IL11RA: variants seen among roughly 807,000 people sequenced by gnomAD.
IL11RA encodes interleukin 11 receptor subunit alpha, also known as interleukin-11 receptor subunit alpha.
A neutral mutation model predicts 57.0 loss-of-function variants in IL11RA; 51 were observed. That is an observed-to-expected ratio of 0.89 (90% CI 0.71 to 1.13). IL11RA has a LOEUF of 1.13. Ranked by LOEUF, IL11RA falls within the 50% of genes most tolerant of loss-of-function variation. The probability of loss-of-function intolerance (pLI) is 0.00; values close to 1 mark genes in which losing one functional copy is unlikely to be tolerated. For synonymous variants in IL11RA, 199 were observed against 217.5 expected, an observed-to-expected ratio of 0.91 and a Z score of 0.75; for missense variants, 498 against 539.4, an observed-to-expected ratio of 0.92 and a Z score of 0.76.
chr9:34,655,041 C>T, intron 1 of IL11RA, 177 bp from the exon 2 acceptor site: 1 of 642,308 alleles, frequency 1.6e-6, no homozygotes, highest in African/African-American at 1.8e-5. Context: ...ATGCAAAGCA[C>T]TGGGTATACA....
At position 34,658,565 on chromosome 9, in the gene IL11RA, G is replaced by T. The variant is rs74968235; in HGVS notation, c.692G>T (p.Gly231Val). 1.9e-4 allele frequency: 299 copies of T among 1,614,112 alleles called. 1 individual carries two copies. The East Asian group carries it at 6.6e-3, about 35-fold the overall frequency. Residue 231 changes from glycine (G) to valine (V), a missense_variant, in exon 8 of 13, where the codon GGT becomes GTT. Physicochemically the swap from Gly to Val is moderately radical, Grantham distance 109. Transcript: ENST00000441545. This position sits in a 1 kb window ranked among gnomAD's most constrained non-coding sequence, Gnocchi z 4.0. ...PQGLRVESVP[G>V]YPRRLRASWT... is the part of the protein sequence containing the mutation. ...GGCCTGCGGGTAGAGTCAGTACCAG[G>T]TTACCCCCGACGCCTGCGAGCCAGC...
Position 34,653,832 on chromosome 9 carries a change from G to T in IL11RA, c.1-1386G>T. The T allele has an allele frequency of 6.6e-6, 1 of 152,046 alleles. No homozygotes were observed. The allele number at this position is 152,046 out of a possible 1,614,324, so 9.4% of individuals were successfully genotyped here. ...GGGAGGAGGCAGGAGCAGGGAGGGG[G>T]CCTGGCTAGGGGCGGCAGAGCTCCA... On this transcript the variant is annotated intron_variant, in intron 1 of 12. Coordinates refer to ENST00000441545, the MANE Select transcript of IL11RA (RefSeq NM_001142784.3). This position sits in a 1 kb window ranked among gnomAD's most constrained non-coding sequence, Gnocchi z 4.5.
intron 7 of IL11RA, among the ~76,000 whole-genome samples, chr9:34,657,969 G>T (rs1821379976): frequency 6.6e-6 from 1 of 152,208 alleles, no homozygotes; most frequent in African/African-American, 2.4e-5. Context: ...AATAGGAATT[G>T]CTCTTTTATT....
At position 34,660,656 on chromosome 9, in the gene IL11RA, C is replaced by G. The variant is rs1039624513; in HGVS notation, c.1169+56C>G. 3 of 1,429,174 alleles carry G rather than the reference C, an allele frequency of 2.1e-6. No homozygotes were observed. The African/African-American group carries it at 4.2e-5, about 20-fold the overall frequency. 88.5% of individuals were successfully genotyped at this position (1,429,174 alleles called of 1,614,324 possible). Reference sequence around the variant, plus strand: ...TGATCCTCACACATGCTCTGATGCCCATAGACCACATTCATCTCCACCCTT... The same window carrying G: ...TGATCCTCACACATGCTCTGATGCCGATAGACCACATTCATCTCCACCCTT... On this transcript the variant is annotated intron_variant, in intron 11 of 12. Coordinates refer to ENST00000441545, the MANE Select transcript of IL11RA (RefSeq NM_001142784.3).
chr9:34,658,747 G>A lies in IL11RA; in HGVS notation c.810+64G>A. On this transcript the variant is annotated intron_variant, in intron 8 of 12. Transcript: ENST00000441545. This position sits in a 1 kb window ranked among gnomAD's most constrained non-coding sequence, Gnocchi z 4.0. ...CCTGTCTCTGATTTCACGATCCTGG[G>A]TGTTCTGTATAGCTTTCCAGTGCTG... The A allele has an allele frequency of 1.9e-6, 3 of 1,569,914 alleles. No individual in the cohort carries two copies. The highest frequency in any genetic ancestry group is 1.1e-5 in the South Asian group (1 of 90,458).
At chr9:34,655,435 G>A (rs973387001) in intron 2 of IL11RA, 118 bp downstream of exon 2, 3 of 866,178 alleles carry the variant, frequency 3.5e-6, no homozygotes, top group Non-Finnish European at 5.7e-6. Flanking sequence ...TCCAACCTGG[G>A]TCCTCTCTCT....
Position 34,659,792 on chromosome 9 carries a change from G to T in IL11RA, c.844G>T (p.Asp282Tyr). ...AGCTGGACTGGAGGAGGTGATCACAGATGCTGTGGCTGGGCTGCCCCATGC... is the reference window on the plus strand; with the variant it reads ...AGCTGGACTGGAGGAGGTGATCACATATGCTGTGGCTGGGCTGCCCCATGC... ...EPAGLEEVIT[D>Y]AVAGLPHAVR... is the part of the protein sequence containing the mutation. The change falls in exon 9 of 13, where the codon GAT becomes TAT. Residue 282 changes from aspartate to tyrosine, a missense_variant. By Grantham distance (160) the Asp-to-Tyr change is radical. Transcript: ENST00000441545. 1 of 1,614,202 alleles carries T rather than the reference G, an allele frequency of 6.2e-7. No homozygotes were observed. The highest frequency in any genetic ancestry group is 8.5e-7 in the Non-Finnish European group (1 of 1,180,038).
chr9:34,655,595 C>G lies in IL11RA; in HGVS notation c.101-10C>G. The G allele has an allele frequency of 5.6e-6, 9 of 1,613,702 alleles. No individual in the cohort carries two copies. Among genetic ancestry groups the G allele is most frequent in the Non-Finnish European group, 6.8e-6 (8 of 1,179,680 alleles). On this transcript the variant is annotated splice_polypyrimidine_tract_variant and intron_variant, in intron 2 of 12. Transcript: ENST00000441545. Reference sequence around the variant, plus strand: ...AAGGAAGAGCCTTACCTCAGAAGTGCCCTCCACAGGGGTCCAGTATGGGCA... The same window carrying G: ...AAGGAAGAGCCTTACCTCAGAAGTGGCCTCCACAGGGGTCCAGTATGGGCA...
Position 34,655,681 on chromosome 9 carries a change from G to A in IL11RA, c.161+16G>A, listed in dbSNP as rs369150633. On this transcript the variant is annotated intron_variant, in intron 3 of 12. Transcript: ENST00000441545. ...TGACTGCCGGGTAAGTGCCCCACCTGCCTGTTGGTCTGACACTCATGACCC... is the reference window on the plus strand; with the variant it reads ...TGACTGCCGGGTAAGTGCCCCACCTACCTGTTGGTCTGACACTCATGACCC... The A allele has an allele frequency of 1.9e-6, 3 of 1,613,004 alleles. No homozygotes were observed. The African/African-American group carries it at 4.0e-5, about 22-fold the overall frequency.
chr9:34,660,819 AT>A, intron 11 of IL11RA, 34 bp from the exon 12 acceptor site: 2 of 1,576,698 alleles, frequency 1.3e-6, no homozygotes, highest in Non-Finnish European at 1.7e-6. Flanking sequence ...GATAACCCAC[AT>A]TGTTGGAGAG....
Position 34,660,300 on chromosome 9 carries a change from T to TG in IL11RA, c.983dup (p.Gln329ProfsTer30). On this transcript the variant is annotated frameshift_variant, in exon 10 of 13. Transcript: ENST00000441545. LOFTEE classifies it high-confidence loss of function. Reference sequence around the variant, plus strand: ...GACCATACCAAAGGAGATACCAGCATGGGGCCAGCTACACACGCAGCCAGA... The same window carrying TG: ...GACCATACCAAAGGAGATACCAGCATGGGGGCCAGCTACACACGCAGCCAGA... 6.2e-7 allele frequency: 1 copy of TG among 1,614,204 alleles called. No homozygotes were observed.
In IL11RA at chr9:34,656,715, A is replaced by G. The variant is rs376637754; in HGVS notation, c.162-24A>G. ...TATGCTTGACATCTTGTCTTTGTCC[A>G]TTGTCACCTCATCTCACTTCCAGGG... is the stretch of plus-strand genomic sequence containing the variant. On this transcript the variant is annotated intron_variant, in intron 3 of 12. Transcript: ENST00000441545. 36 of 1,613,696 alleles carry G rather than the reference A, an allele frequency of 2.2e-5. 1 individual carries two copies. In the South Asian group the frequency reaches 2.4e-4, roughly 11 times the overall value.
At chr9:34,655,755 C>T (rs1196255117) in intron 3 of IL11RA, 90 bp downstream of exon 3, 14 of 1,064,848 alleles carry the variant, frequency 1.3e-5, no homozygotes, top group East Asian at 2.4e-5. Flanking sequence ...CATCCTTGCC[C>T]GCTCTGTCCG....
At chr9:34,654,252 C>T (rs1048020156) in intron 1 of IL11RA, among the ~76,000 whole-genome samples, 9 of 152,126 alleles carry the variant, frequency 5.9e-5, no homozygotes, top group African/African-American at 2.2e-4. Flanking sequence ...CCTAGCATCC[C>T]CCACCTGCCA....
chr9:34,655,812 C>T (rs1312256788), intron 3 of IL11RA, 147 bp downstream of exon 3: 50 of 749,366 alleles, frequency 6.7e-5, no homozygotes, highest in Non-Finnish European at 9.8e-5. Context: ...TATCCTTATT[C>T]AACAGAAAAT....
Position 34,658,682 on chromosome 9 carries a change from CG to C in IL11RA, c.810+1del, listed in dbSNP as rs1564105399. ...CCGGCGCAGCATCCAGCCTGGTCCA[CG>C]GTGAGGCCTGGAGTGCGTCCCAACC... ...YRPAQHPAWS[T>X]VEPAGLEEVI... On this transcript the variant is annotated frameshift_variant and splice_region_variant, in exon 8 of 13. Coordinates refer to ENST00000441545, the MANE Select transcript of IL11RA (RefSeq NM_001142784.3). LOFTEE classifies it high-confidence loss of function. The surrounding 1 kb of genome is among the most constrained non-coding windows in gnomAD (Gnocchi z 4.0). 6.2e-7 allele frequency: 1 copy of C among 1,612,144 alleles called. No individual in the cohort carries two copies. The highest frequency in any genetic ancestry group is 1.1e-5 in the South Asian group (1 of 91,080).
Position 34,655,016 on chromosome 9 carries a change from T to TGTGC in IL11RA, c.1-201_1-200insTGCG, listed in dbSNP as rs1020616428. The stretch of plus-strand genomic sequence containing the variant: ...GTCCGTGTGTGTGTGTGTGTGTGTG[T>TGTGC]GCGCGCGCACGCACATGCAAAGCAC... On this transcript the variant is annotated intron_variant, in intron 1 of 12. Transcript: ENST00000441545. The TGTGC allele has an allele frequency of 6.9e-3, 3,858 of 557,548 alleles. 108 individuals are homozygous for TGTGC. The highest frequency in any genetic ancestry group is 0.068 in the African/African-American group (3,509 of 51,906). 34.5% of individuals were successfully genotyped at this position (557,548 alleles called of 1,614,324 possible).
At chr9:34,660,050 C>A in intron 9 of IL11RA, 150 bp downstream of exon 9, 3 of 1,239,374 alleles carry the variant, frequency 2.4e-6, no homozygotes, top group Non-Finnish European at 2.3e-6. Flanking sequence ...TTGCCTACAG[C>A]CCTGTCTTAG....
intron 1 of IL11RA, chr9:34,654,978 AG>A (rs1401667551): frequency 6.1e-6 from 3 of 490,540 alleles, no homozygotes; most frequent in Non-Finnish European, 1.1e-5. Context: ...GGAGGGTGTG[AG>A]GGGGTGTGTG....
Sources: gnomAD v4.1 joint callset for allele counts (sites outside exome capture counted in the v4.1 genomes callset) on GRCh38, gnomAD v4.1.1 for gene constraint, Gnocchi (gnomAD v3.1) non-coding constraint, MANE v1.5 for transcripts, NCBI Gene and HGNC (gene_info 2026-07-23, HGNC 2026-07-21) for gene names.